Variants in ZNF804B observed in about 807,000 individuals in gnomAD.
The protein encoded by ZNF804B is zinc finger protein 804B.
A neutral mutation model predicts 101.4 loss-of-function variants in ZNF804B; 80 were observed. The ratio of observed to expected loss-of-function variants is 0.79; its 90% confidence interval spans 0.66 to 0.95. The LOEUF is 0.95. Among genes scored for constraint, ZNF804B ranks in the 40% least tolerant of loss-of-function variants. The pLI is 0.00. For synonymous variants in ZNF804B, 622 were observed against 558.8 expected (o/e 1.11, Z -1.59); for missense variants, 1,673 against 1,561.9 (o/e 1.07, Z -1.20).
intron 1 of ZNF804B, among the ~76,000 whole-genome samples, chr7:89,024,820 G>A (rs921728680): frequency 3.3e-5 from 5 of 151,666 alleles, no homozygotes; most frequent in Non-Finnish European, 5.9e-5. Flanking sequence ...GAAGATTCTC[G>A]CATGTTAAAA....
At chr7:88,963,487 C>T (rs914772030) in intron 1 of ZNF804B, among the ~76,000 whole-genome samples, 1 of 151,260 alleles carries the variant, frequency 6.6e-6, no homozygotes, top group African/African-American at 2.4e-5. Flanking sequence ...AAGTTGAATC[C>T]TTTACCTTAT....
chr7:89,115,949 C>T (rs865874617), intron 1 of ZNF804B, among the ~76,000 whole-genome samples: 2 of 151,170 alleles, frequency 1.3e-5, no homozygotes, highest in Non-Finnish European at 2.9e-5. Context: ...TCCAGTTGCC[C>T]AGACTGGAGC....
intron 1 of ZNF804B, among the ~76,000 whole-genome samples, chr7:89,135,741 A>G (rs1790623930): frequency 6.6e-6 from 1 of 152,048 alleles, no homozygotes; most frequent in Non-Finnish European, 1.5e-5. Flanking sequence ...TATTTTTGTT[A>G]TAAAAAACTA....
chr7:89,088,964 C>T (rs1789844774), intron 1 of ZNF804B, among the ~76,000 whole-genome samples: 5 of 151,908 alleles, frequency 3.3e-5, no homozygotes, highest in Admixed American at 3.3e-4. Flanking sequence ...TTTGCTATTC[C>T]ACCTCCCTTG....
intron 1 of ZNF804B, among the ~76,000 whole-genome samples, chr7:88,815,207 T>C (rs1203595416): frequency 1.4e-5 from 2 of 147,976 alleles, no homozygotes; most frequent in African/African-American, 4.9e-5. Context: ...TTATATATTC[T>C]CTATATATAA....
chr7:88,797,371 C>T (rs1041267433), intron 1 of ZNF804B, among the ~76,000 whole-genome samples: 5 of 152,096 alleles, frequency 3.3e-5, no homozygotes, highest in African/African-American at 1.2e-4. Context: ...AGTGTGAAAC[C>T]ATAAGCCCTT....
chr7:89,201,737 A>G (rs1788643010), intron 1 of ZNF804B, among the ~76,000 whole-genome samples: 2 of 152,020 alleles, frequency 1.3e-5, no homozygotes, highest in Non-Finnish European at 2.9e-5. Flanking sequence ...TATCATTCTC[A>G]TTACCAAATG....
At chr7:88,858,423 G>T (rs1213071938) in intron 1 of ZNF804B, among the ~76,000 whole-genome samples, 2 of 152,162 alleles carry the variant, frequency 1.3e-5, no homozygotes, top group Non-Finnish European at 2.9e-5. Context: ...TAGAGATGGG[G>T]TGATGATTCT....
intron 2 of ZNF804B, among the ~76,000 whole-genome samples, chr7:89,311,319 C>T (rs1422446240): frequency 1.3e-5 from 2 of 152,166 alleles, no homozygotes; most frequent in East Asian, 1.9e-4. Flanking sequence ...ATATACGTAA[C>T]ATTCAAACAC....
intron 1 of ZNF804B, among the ~76,000 whole-genome samples, chr7:88,806,591 C>T (rs924155668): frequency 6.6e-6 from 1 of 151,792 alleles, no homozygotes; most frequent in Non-Finnish European, 1.5e-5. Flanking sequence ...CATGGACCCA[C>T]ATTTAATGCC....
At chr7:89,297,525 A>G (rs892223832) in intron 2 of ZNF804B, among the ~76,000 whole-genome samples, 4 of 152,070 alleles carry the variant, frequency 2.6e-5, no homozygotes, top group African/African-American at 4.8e-5. Flanking sequence ...AAATCGTAAT[A>G]TATTTTTTGA....
At chr7:89,211,083 C>G (rs1318313522) in intron 1 of ZNF804B, among the ~76,000 whole-genome samples, 2 of 152,198 alleles carry the variant, frequency 1.3e-5, no homozygotes, top group Non-Finnish European at 2.9e-5. Context: ...TTGCATTTCT[C>G]TAATGATCAG....
At chr7:88,851,024 T>A (rs1791444631) in intron 1 of ZNF804B, among the ~76,000 whole-genome samples, 1 of 152,062 alleles carries the variant, frequency 6.6e-6, no homozygotes, top group South Asian at 2.1e-4. Flanking sequence ...TGGTTGAGAT[T>A]AACAGAAGAT....
At chr7:89,204,427 T>A (rs1788688050) in intron 1 of ZNF804B, among the ~76,000 whole-genome samples, 1 of 152,212 alleles carries the variant, frequency 6.6e-6, no homozygotes, top group Non-Finnish European at 1.5e-5. Context: ...AAACTCATTT[T>A]CTTATCATGT....
chr7:89,213,761 A>T (rs1201190996), intron 1 of ZNF804B, among the ~76,000 whole-genome samples: 1 of 152,070 alleles, frequency 6.6e-6, no homozygotes, highest in Non-Finnish European at 1.5e-5. Flanking sequence ...CTGAGCTTTA[A>T]TCCAGTGAAT....
intron 1 of ZNF804B, among the ~76,000 whole-genome samples, chr7:88,772,626 A>G (rs544865023): frequency 3.2e-4 from 48 of 152,320 alleles, no homozygotes; most frequent in East Asian, 5.8e-4. Flanking sequence ...ATTTGGGTAC[A>G]TGAAGTTCTA....
At chr7:88,892,789 A>G (rs1792232789) in intron 1 of ZNF804B, among the ~76,000 whole-genome samples, 1 of 152,182 alleles carries the variant, frequency 6.6e-6, no homozygotes, top group Non-Finnish European at 1.5e-5. Flanking sequence ...AACACACATT[A>G]GTGGGAACAC....
chr7:89,019,143 T>C (rs1784661928), intron 1 of ZNF804B, among the ~76,000 whole-genome samples: 1 of 152,092 alleles, frequency 6.6e-6, no homozygotes, highest in Non-Finnish European at 1.5e-5. Context: ...CTCTTACTAC[T>C]GCTTTTGCTG....
chr7:89,020,044 G>T (rs1319765341), intron 1 of ZNF804B, among the ~76,000 whole-genome samples: 1 of 151,964 alleles, frequency 6.6e-6, no homozygotes, highest in Non-Finnish European at 1.5e-5. Context: ...TTTGAAGTTT[G>T]ATGGTTTTTA....
Sources: allele counts gnomAD v4.1 joint callset (sites outside exome capture counted in the v4.1 genomes callset), GRCh38; gene constraint gnomAD v4.1.1; transcripts MANE v1.5; gene names NCBI Gene and HGNC (gene_info 2026-07-23, HGNC 2026-07-21).